AATF: variants seen among roughly 807,000 people sequenced by gnomAD.
AATF encodes protein AATF.
Under a neutral mutation model 63.7 loss-of-function variants are expected in AATF, and 48 were observed. The ratio of observed to expected loss-of-function variants is 0.75; its 90% CI spans 0.60 to 0.96. The LOEUF (loss-of-function observed/expected upper bound fraction) is 0.96, where lower values mean the gene tolerates loss of function less well. Among genes scored for constraint, AATF ranks in the 40% least tolerant of loss-of-function variants. The pLI, the probability that AATF is intolerant of heterozygous loss-of-function variation, is 0.00. For missense variants in AATF, 639 were observed against 685.7 expected, an observed-to-expected ratio of 0.93 and a Z score of 0.76; for synonymous variants, 258 against 247.7, an observed-to-expected ratio of 1.04 and a Z score of -0.39.
chr17:36,994,354 A>T (rs989555101), intron 8 of AATF, among the ~76,000 whole-genome samples: 7 of 152,198 alleles, frequency 4.6e-5, no homozygotes, highest in African/African-American at 9.7e-5. Flanking sequence ...TTAGAAAGTA[A>T]TTTTTTTCCT....
chr17:37,007,328 T>C (rs1219961951), intron 8 of AATF, among the ~76,000 whole-genome samples: 1 of 151,648 alleles, frequency 6.6e-6, no homozygotes, highest in Non-Finnish European at 1.5e-5. Context: ...GCTAGGACTA[T>C]GGGTGTATGC....
intron 11 of AATF, 180 bp from the exon 12 acceptor site, chr17:37,056,421 T>C: frequency 1.6e-6 from 1 of 612,544 alleles, no homozygotes; most frequent in Admixed American, 3.1e-5. Flanking sequence ...TATTTTACTG[T>C]TTGATTGGGT....
chr17:37,046,826 A>G (rs558607543), intron 11 of AATF, among the ~76,000 whole-genome samples: 91 of 152,018 alleles, frequency 6.0e-4, no homozygotes, highest in Admixed American at 1.3e-3. Flanking sequence ...TACAAATGTA[A>G]CTGGAATGTC....
At position 37,026,949 on chromosome 17, in the gene AATF, A is replaced by G. The variant is rs559194144; in HGVS notation, c.1548-4665A>G. Among the ~76,000 whole-genome samples, 7 of 152,286 alleles carry G rather than the reference A, an allele frequency of 4.6e-5. No individual in the cohort carries two copies. In the East Asian group the frequency reaches 1.3e-3, roughly 29 times the overall value. On this transcript the variant is annotated intron_variant, in intron 10 of 11. Transcript: ENST00000619387. ...TATGCCAGCTGTCATCACTGATACT[A>G]GGTCCCACCATTGAGCAATTTTTGC...
At chr17:36,970,033 A>G (rs1421963466) in intron 4 of AATF, among the ~76,000 whole-genome samples, 2 of 152,178 alleles carry the variant, frequency 1.3e-5, no homozygotes, top group African/African-American at 2.4e-5. Context: ...ATATACCACA[A>G]TTTGTTTTGT....
intron 11 of AATF, among the ~76,000 whole-genome samples, chr17:37,043,673 CA>C (rs2071663755): frequency 6.6e-6 from 1 of 152,062 alleles, no homozygotes; most frequent in South Asian, 2.1e-4. Flanking sequence ...GTAGTATTTG[CA>C]AAACACTTCA....
At chr17:36,956,987 AAAG>A (rs901782697) in intron 4 of AATF, among the ~76,000 whole-genome samples, 2 of 151,966 alleles carry the variant, frequency 1.3e-5, no homozygotes, top group African/African-American at 4.8e-5. Context: ...CCGAAAAAAA[AAAG>A]AGAGAGAGAG....
chr17:36,950,722 G>A (rs1332510575), intron 2 of AATF, among the ~76,000 whole-genome samples: 1 of 152,154 alleles, frequency 6.6e-6, no homozygotes, highest in Admixed American at 6.5e-5. Flanking sequence ...ACCCCTATCT[G>A]TTATCTTAGG....
chr17:36,999,402 ATTAAT>A (rs2142261395), intron 8 of AATF, among the ~76,000 whole-genome samples: 1 of 152,308 alleles, frequency 6.6e-6, no homozygotes, highest in Non-Finnish European at 1.5e-5. Flanking sequence ...TTAAATTTTG[ATTAAT>A]TTAAATAGTA....
chr17:37,000,866 C>T (rs2071288778), intron 8 of AATF, among the ~76,000 whole-genome samples: 1 of 152,162 alleles, frequency 6.6e-6, no homozygotes, highest in African/African-American at 2.4e-5. Context: ...AGGAGGAGAT[C>T]ACTTGAGCCC....
At chr17:36,949,253 T>A in intron 1 of AATF, 37 bp downstream of exon 1, 1 of 1,555,790 alleles carries the variant, frequency 6.4e-7, no homozygotes, top group Non-Finnish European at 8.7e-7. Flanking sequence ...TGCGGAGCGG[T>A]GGGCCAGGCC....
chr17:36,959,459 C>T (rs766005377), intron 4 of AATF, among the ~76,000 whole-genome samples: 4 of 152,054 alleles, frequency 2.6e-5, no homozygotes, highest in Non-Finnish European at 4.4e-5. Flanking sequence ...ACAAACAAAC[C>T]AACAAACAAA....
chr17:37,034,889 G>C (rs1035240093), intron 11 of AATF: 2 of 152,114 alleles, frequency 1.3e-5, no homozygotes, highest in Admixed American at 6.5e-5. Flanking sequence ...ACTTTGGGAG[G>C]CTGAGGCGGG....
chr17:37,054,919 A>G (rs2071785534), intron 11 of AATF: 1 of 152,244 alleles, frequency 6.6e-6, no homozygotes, highest in Non-Finnish European at 1.5e-5. Context: ...ACTGGCAAAT[A>G]GGCAGGCCAT....
At chr17:36,989,179 GA>G (rs1283821542) in intron 6 of AATF, 67 bp from the exon 7 acceptor site, 8 of 1,493,582 alleles carry the variant, frequency 5.4e-6, no homozygotes, top group Non-Finnish European at 6.3e-6. Flanking sequence ...GAAAGATAGA[GA>G]AACCAATGTA....
At chr17:36,951,400 A>G (rs940100632) in intron 2 of AATF, among the ~76,000 whole-genome samples, 4 of 152,190 alleles carry the variant, frequency 2.6e-5, no homozygotes, top group African/African-American at 9.7e-5. Context: ...GTTTAGCTCT[A>G]TAATTTAAGT....
intron 11 of AATF, among the ~76,000 whole-genome samples, chr17:37,038,360 G>A (rs569184585): frequency 6.6e-6 from 1 of 152,282 alleles, no homozygotes; most frequent in East Asian, 1.9e-4. Context: ...TGAGACCCCT[G>A]AGACAGGAAG....
chr17:37,021,820 A>C lies in AATF; in HGVS notation c.1547+806A>C, dbSNP rs867214408. The stretch of plus-strand genomic sequence containing the variant: ...ACTCCGTCTCAAAAAAAAAAAAAAA[A>C]ATAATAATAATAATAATAATAAATA... On this transcript the variant is annotated intron_variant, in intron 10 of 11. Transcript: ENST00000619387. Among the ~76,000 whole-genome samples the C allele has an allele frequency of 3.2e-5, 3 of 94,808 alleles. 1 individual carries two copies. Among genetic ancestry groups the C allele is most frequent in the African/African-American group, 2.3e-4 (3 of 13,248 alleles). The allele number at this position is 94,808 out of a possible 152,430, so 62.2% of individuals were successfully genotyped here.
chr17:37,018,820 T>G (rs971105020), intron 8 of AATF, 185 bp from the exon 9 acceptor site: 1 of 594,124 alleles, frequency 1.7e-6, no homozygotes, highest in African/African-American at 1.9e-5. Flanking sequence ...ATAGCCACCT[T>G]TTTAAAGATA....
Sources: allele counts gnomAD v4.1 joint callset (sites outside exome capture counted in the v4.1 genomes callset), GRCh38; gene constraint gnomAD v4.1.1; transcripts MANE v1.5; gene names NCBI Gene and HGNC (gene_info 2026-07-23, HGNC 2026-07-21).